ADGRL2: variants seen among roughly 807,000 people sequenced by gnomAD.
ADGRL2 encodes the protein adhesion G protein-coupled receptor L2, also known as calcium-independent alpha-latrotoxin receptor 2.
ADGRL2 carries 44 observed loss-of-function variants against 157.4 expected under a neutral mutation model. The observed-to-expected ratio is 0.28, with a 90% CI of 0.22 to 0.36. The LOEUF is 0.36. Among genes scored for constraint, ADGRL2 ranks in the 10% least tolerant of loss-of-function variants. ADGRL2 has a pLI of 1.00. For synonymous variants in ADGRL2, 585 were observed against 624.7 expected (o/e 0.94, Z 0.95); for missense variants, 1,510 against 1,768.9 (o/e 0.85, Z 2.63).
intron 3 of ADGRL2, among the ~76,000 whole-genome samples, chr1:81,669,903 A>G (rs988634342): frequency 4.7e-5 from 7 of 148,506 alleles, no homozygotes; most frequent in African/African-American, 1.8e-4. Flanking sequence ...AGATCAAGCC[A>G]CTGCACTCCA....
At chr1:81,715,701 T>G (rs1040988778) in intron 1 of ADGRL2, among the ~76,000 whole-genome samples, 1 of 152,144 alleles carries the variant, frequency 6.6e-6, no homozygotes, top group Non-Finnish European at 1.5e-5. Flanking sequence ...TCTGCATACA[T>G]GTCAAATGGC....
intron 3 of ADGRL2, among the ~76,000 whole-genome samples, chr1:81,583,226 G>A (rs901394821): frequency 2.6e-5 from 4 of 151,964 alleles, no homozygotes; most frequent in African/African-American, 9.7e-5. Context: ...CAATAAATTG[G>A]AATATTAACT....
At chr1:81,324,720 G>A (rs1201133739) in intron 1 of ADGRL2, among the ~76,000 whole-genome samples, 1 of 151,898 alleles carries the variant, frequency 6.6e-6, no homozygotes, top group Non-Finnish European at 1.5e-5. Context: ...GGGGAGGTGA[G>A]GAAACTTTTT....
intron 3 of ADGRL2, among the ~76,000 whole-genome samples, chr1:81,672,012 A>G (rs1055207582): frequency 5.3e-5 from 8 of 152,262 alleles, no homozygotes; most frequent in African/African-American, 1.9e-4. Flanking sequence ...TTAAAAAGAC[A>G]TAGCTTTTAG....
At chr1:81,323,685 A>G (rs1030671494) in intron 1 of ADGRL2, among the ~76,000 whole-genome samples, 4 of 152,220 alleles carry the variant, frequency 2.6e-5, no homozygotes, top group African/African-American at 9.6e-5. Context: ...GAAAAAATAA[A>G]TAAGCTGATC....
chr1:81,587,265 C>T (rs1318821179), intron 3 of ADGRL2, among the ~76,000 whole-genome samples: 2 of 151,910 alleles, frequency 1.3e-5, no homozygotes, highest in Admixed American at 6.6e-5. Flanking sequence ...ATATGACAAG[C>T]ATCATAATAC....
chr1:81,473,836 T>C (rs1282028309), intron 2 of ADGRL2, among the ~76,000 whole-genome samples: 1 of 152,182 alleles, frequency 6.6e-6, no homozygotes, highest in Admixed American at 6.5e-5. Context: ...TTTGTTTAGA[T>C]GTAGATACAG....
rs372935977 is a variant in ADGRL2, at chr1:81,557,036, G to A, written c.-247-23840G>A. ...GACTCCGTCTCAAAAAAAAAAAAAA[G>A]AAAGAAAGAAGAAGAAGAAGAGATG... On this transcript the variant is annotated intron_variant, in intron 2 of 24. Transcript: ENST00000370721. 1,392 of 148,212 alleles carry A rather than the reference G, an allele frequency of 9.4e-3. 27 individuals are homozygous for A. Among genetic ancestry groups the A allele is most frequent in the African/African-American group, 0.041 (1,282 of 31,214 alleles). The allele number at this position is 148,212 out of a possible 1,614,324, so 9.2% of individuals were successfully genotyped here. A position where few individuals can be genotyped will look rare whatever the true frequency, so the allele number is the denominator to read the frequency against.
chr1:81,622,099 CT>C (rs1167204654), intron 3 of ADGRL2, among the ~76,000 whole-genome samples: 1 of 152,084 alleles, frequency 6.6e-6, no homozygotes, highest in African/African-American at 2.4e-5. Context: ...GAAGCTAGGA[CT>C]TTTTTAATGA....
intron 1 of ADGRL2, among the ~76,000 whole-genome samples, chr1:81,802,094 GCGGACTCGGCGGCCGAGGA>G (rs2088271350): frequency 1.3e-5 from 2 of 150,126 alleles, no homozygotes; most frequent in Admixed American, 6.6e-5. Flanking sequence ...TGCCTCCCGC[GCGGACTCGGCGGCCGAGGA>G]CCCGCTCGCG....
intron 2 of ADGRL2, among the ~76,000 whole-genome samples, chr1:81,482,897 G>A (rs974342389): frequency 6.6e-6 from 1 of 151,796 alleles, no homozygotes; most frequent in Non-Finnish European, 1.5e-5. Context: ...TGAGCACACA[G>A]AAACATCCTG....
intron 3 of ADGRL2, among the ~76,000 whole-genome samples, chr1:81,912,000 G>GCA (rs2094735752): frequency 6.6e-6 from 1 of 151,168 alleles, no homozygotes; most frequent in Admixed American, 6.6e-5. Context: ...TTTTACTTAA[G>GCA]CACAGTTAAA....
At chr1:81,985,205 G>T (rs781358554) in intron 20 of ADGRL2, 54 bp from the exon 21 acceptor site, 2 of 1,016,298 alleles carry the variant, frequency 2.0e-6, no homozygotes, top group African/African-American at 3.2e-5. Flanking sequence ...CTTTAATAAG[G>T]TAAGTTTGGG....
intron 2 of ADGRL2, among the ~76,000 whole-genome samples, chr1:81,842,042 C>T (rs535996248): frequency 6.6e-6 from 1 of 152,018 alleles, no homozygotes; most frequent in Non-Finnish European, 1.5e-5. Flanking sequence ...CATTAGTTAA[C>T]ATTGCTGACA....
chr1:81,408,533 T>A (rs755058836), intron 1 of ADGRL2, among the ~76,000 whole-genome samples: 75 of 152,168 alleles, frequency 4.9e-4, no homozygotes, highest in Admixed American at 9.8e-4. Flanking sequence ...ACAAGCAGTT[T>A]AAAACTGGGA....
At chr1:81,390,791 G>C (rs1332345956) in intron 1 of ADGRL2, among the ~76,000 whole-genome samples, 1 of 152,308 alleles carries the variant, frequency 6.6e-6, no homozygotes, top group African/African-American at 2.4e-5. Flanking sequence ...TTCATTATAT[G>C]AATGCAACAA....
chr1:81,713,707 T>A (rs1465781280), intron 1 of ADGRL2, among the ~76,000 whole-genome samples: 3 of 152,162 alleles, frequency 2.0e-5, no homozygotes, highest in Non-Finnish European at 2.9e-5. Flanking sequence ...ATGCTGCTGA[T>A]GAAAAATTGG....
rs988574444 is a variant in ADGRL2 at position 81,400,688 on chromosome 1, C to A, written c.-301-44348C>A. The stretch of plus-strand genomic sequence containing the variant: ...CTAGACTCTGTTAGTCCAGGTGCAG[C>A]AGCAGCAAGTACCCCAGAATGGCTG... On this transcript the variant is annotated intron_variant, in intron 1 of 24. Transcript: ENST00000370721. 4.6e-5 allele frequency among the ~76,000 whole-genome samples: 7 copies of A among 152,118 alleles called. No individual in the cohort carries two copies. The East Asian group carries it at 1.4e-3, about 29-fold the overall frequency.
In ADGRL2 at chr1:81,686,607, T is replaced by A. The variant is rs182815211; in HGVS notation, c.-142-75204T>A. The stretch of plus-strand genomic sequence containing the variant: ...CTTTTTGTTTCATTTAACTTTGGTA[T>A]TTTTTGTTTGTTTGTTTCAGTTTCA... On this transcript the variant is annotated intron_variant, in intron 3 of 24. Transcript: ENST00000370721. 3.8e-3 allele frequency among the ~76,000 whole-genome samples: 583 copies of A among 152,304 alleles called. 3 individuals are homozygous for A. Among genetic ancestry groups the A allele is most frequent in the African/African-American group, 0.014 (565 of 41,574 alleles).
Sources: gnomAD v4.1 joint callset for allele counts (sites outside exome capture counted in the v4.1 genomes callset) on GRCh38, gnomAD v4.1.1 for gene constraint, MANE v1.5 for transcripts, NCBI Gene and HGNC (gene_info 2026-07-23, HGNC 2026-07-21) for gene names.